Variants in ZNF385D observed in about 807,000 individuals in gnomAD.
ZNF385D encodes zinc finger protein 385D.
Under a neutral mutation model 35.8 loss-of-function variants are expected in ZNF385D, and 15 were observed. That is an observed-to-expected ratio of 0.42 (90% CI 0.28 to 0.64). The LOEUF is 0.64. ZNF385D is among the 30% of genes least tolerant of loss of function. The pLI is 0.23. For synonymous variants in ZNF385D, 212 were observed against 186.8 expected (o/e 1.13, Z -1.10); for missense variants, 474 against 494.6 (o/e 0.96, Z 0.39).
At chr3:21,698,804 CCA>C (rs1292855736) in intron 1 of ZNF385D, among the ~76,000 whole-genome samples, 1 of 151,962 alleles carries the variant, frequency 6.6e-6, no homozygotes, top group African/African-American at 2.4e-5. Context: ...CCATCTCACG[CCA>C]GTTAGAATGG....
chr3:22,077,548 T>C (rs922576381), intron 3 of ZNF385D, among the ~76,000 whole-genome samples: 2 of 151,994 alleles, frequency 1.3e-5, no homozygotes, highest in African/African-American at 4.8e-5. Context: ...AAAGGCCCAC[T>C]AAGGGTGAGG....
chr3:21,626,565 T>C (rs1461091151), intron 2 of ZNF385D, among the ~76,000 whole-genome samples: 1 of 152,062 alleles, frequency 6.6e-6, no homozygotes, highest in Non-Finnish European at 1.5e-5. Context: ...GGATAAAGCG[T>C]TGAGGAGCTT....
chr3:21,452,264 G>T (rs1359312001), intron 4 of ZNF385D, among the ~76,000 whole-genome samples: 1 of 151,942 alleles, frequency 6.6e-6, no homozygotes. Context: ...CAAAGTAGAG[G>T]TTAGATCACA....
At chr3:21,461,826 G>C (rs948970444) in intron 4 of ZNF385D, among the ~76,000 whole-genome samples, 1 of 152,172 alleles carries the variant, frequency 6.6e-6, no homozygotes, top group African/African-American at 2.4e-5. Context: ...TTATTGGATG[G>C]CTACAAATGT....
chr3:22,062,426 T>C (rs941350), intron 3 of ZNF385D, among the ~76,000 whole-genome samples: 1 of 152,102 alleles, frequency 6.6e-6, no homozygotes, highest in African/African-American at 2.4e-5. Context: ...TATAACACTT[T>C]AAATGAGCAA....
At chr3:21,757,134 T>TTTTG (rs779144148) in intron 3 of ZNF385D, among the ~76,000 whole-genome samples, 40 of 128,264 alleles carry the variant, frequency 3.1e-4, no homozygotes, top group Non-Finnish European at 5.7e-4. Flanking sequence ...TTTTTTTTTT[T>TTTTG]TTTTTGTTTT....
chr3:21,675,591 G>T (rs996325712), intron 1 of ZNF385D, among the ~76,000 whole-genome samples: 1 of 152,000 alleles, frequency 6.6e-6, no homozygotes, highest in Non-Finnish European at 1.5e-5. Context: ...ATGAAAGGTG[G>T]TAGAGAAAAA....
rs373972833 is a variant in ZNF385D, at chr3:21,763,143, GA to G, written c.326-98116del. 3.3e-5 allele frequency among the ~76,000 whole-genome samples: 5 copies of G among 152,160 alleles called. No homozygotes were observed. In the South Asian group the frequency reaches 8.3e-4, roughly 25 times the overall value. ...TCTTGAAATTGATGGACAGTTTAGA[GA>G]AAAAAATTCACCTTCTCTCCAGAGA... On this transcript the variant is annotated intron_variant, in intron 3 of 5. Transcript: ENST00000494108.
chr3:22,093,593 A>G (rs1290798027), intron 3 of ZNF385D, among the ~76,000 whole-genome samples: 2 of 152,142 alleles, frequency 1.3e-5, no homozygotes, highest in South Asian at 2.1e-4. Flanking sequence ...ATCCTCATTC[A>G]TTATACGAGT....
intron 4 of ZNF385D, among the ~76,000 whole-genome samples, chr3:21,471,385 A>G (rs1278921944): frequency 6.6e-6 from 1 of 151,536 alleles, no homozygotes; most frequent in South Asian, 2.1e-4. Context: ...CTATCCATAC[A>G]AGGACATTAT....
intron 3 of ZNF385D, among the ~76,000 whole-genome samples, chr3:21,863,748 A>G (rs981380087): frequency 9.2e-5 from 14 of 152,180 alleles, no homozygotes; most frequent in African/African-American, 3.4e-4. Flanking sequence ...ATTGATACAG[A>G]AAAGCTGGAA....
At chr3:22,338,133 G>C (rs1314176966) in intron 2 of ZNF385D, among the ~76,000 whole-genome samples, 1 of 152,130 alleles carries the variant, frequency 6.6e-6, no homozygotes, top group Non-Finnish European at 1.5e-5. Flanking sequence ...AACATGAAAA[G>C]AAAGTAGGAG....
At chr3:21,787,438 C>A (rs2071737576) in intron 3 of ZNF385D, among the ~76,000 whole-genome samples, 1 of 151,976 alleles carries the variant, frequency 6.6e-6, no homozygotes, top group South Asian at 2.1e-4. Flanking sequence ...ATGGGAATAC[C>A]CACCCCTAAG....
intron 3 of ZNF385D, among the ~76,000 whole-genome samples, chr3:21,857,044 T>C (rs1429967906): frequency 7.2e-5 from 11 of 151,998 alleles, no homozygotes; most frequent in Admixed American, 7.2e-4. Context: ...TCTAGGTCCT[T>C]TCTCACATGT....
chr3:21,749,227 G>A (rs943146171), intron 1 of ZNF385D, among the ~76,000 whole-genome samples: 1 of 152,148 alleles, frequency 6.6e-6, no homozygotes, highest in South Asian at 2.1e-4. Flanking sequence ...GAATCACTCT[G>A]CTTTACAAGA....
chr3:21,761,293 C>T, intron 3 of ZNF385D, among the ~76,000 whole-genome samples: 1 of 152,252 alleles, frequency 6.6e-6, no homozygotes, highest in East Asian at 1.9e-4. Context: ...CAACCTACAA[C>T]AACTGTGTGA....
intron 2 of ZNF385D, among the ~76,000 whole-genome samples, chr3:22,328,981 G>T (rs937978721): frequency 6.7e-6 from 1 of 150,236 alleles, no homozygotes; most frequent in African/African-American, 2.5e-5. Context: ...GGAGGCTGAG[G>T]CAGGAGAATG....
At chr3:21,543,581 C>G (rs1233649037) in intron 3 of ZNF385D, among the ~76,000 whole-genome samples, 1 of 152,158 alleles carries the variant, frequency 6.6e-6, no homozygotes, top group African/African-American at 2.4e-5. Context: ...CCAAGGGGTT[C>G]TACTCCATCC....
At chr3:21,765,511 C>T (rs1259267218) in intron 3 of ZNF385D, among the ~76,000 whole-genome samples, 2 of 152,010 alleles carry the variant, frequency 1.3e-5, no homozygotes, top group Non-Finnish European at 2.9e-5. Flanking sequence ...CTGAGACAAT[C>T]ATGTTTGTTC....
Sources: allele counts gnomAD v4.1 joint callset (sites outside exome capture counted in the v4.1 genomes callset), GRCh38; gene constraint gnomAD v4.1.1; transcripts MANE v1.5; gene names NCBI Gene and HGNC (gene_info 2026-07-23, HGNC 2026-07-21).